The following DNAJC15 variants were observed in gnomAD, a reference collection of about 807,000 sequenced individuals.
The protein encoded by DNAJC15 is dnaJ homolog subfamily C member 15.
Under a neutral mutation model 22.4 loss-of-function variants are expected in DNAJC15, and 27 were observed. The observed-to-expected ratio is 1.20, with a 90% CI of 0.89 to 1.66. The LOEUF (loss-of-function observed/expected upper bound fraction) is 1.66, where lower values mean the gene tolerates loss of function less well. DNAJC15 is among the 40% of genes most tolerant of loss of function. The probability of loss-of-function intolerance (pLI) is 0.00; values close to 1 mark genes in which losing one functional copy is unlikely to be tolerated. For missense variants in DNAJC15, 208 were observed against 187.1 expected, an observed-to-expected ratio of 1.11 and a Z score of -0.65; for synonymous variants, 79 against 63.2, an observed-to-expected ratio of 1.25 and a Z score of -1.19.
intron 4 of DNAJC15, among the ~76,000 whole-genome samples, chr13:43,084,904 T>C (rs551651205): frequency 9.8e-5 from 15 of 152,334 alleles, no homozygotes; most frequent in African/African-American, 3.6e-4. Context: ...ATAACTATAA[T>C]GAAGCACTTG....
At chr13:43,092,230 C>G (rs983269533) in intron 5 of DNAJC15, among the ~76,000 whole-genome samples, 1 of 152,122 alleles carries the variant, frequency 6.6e-6, no homozygotes, top group Non-Finnish European at 1.5e-5. Flanking sequence ...AAATATCTCT[C>G]ATGATTTATA....
intron 4 of DNAJC15, among the ~76,000 whole-genome samples, chr13:43,079,123 T>C (rs1046972886): frequency 4.6e-5 from 7 of 152,202 alleles, no homozygotes; most frequent in African/African-American, 1.7e-4. Flanking sequence ...TATCCTTTTA[T>C]TGTCTAACTT....
intron 1 of DNAJC15, among the ~76,000 whole-genome samples, chr13:43,054,209 A>T (rs779642204): frequency 1.3e-5 from 2 of 151,978 alleles, no homozygotes; most frequent in Non-Finnish European, 2.9e-5. Flanking sequence ...ACATTTATTC[A>T]CTTGTGTGTG....
intron 5 of DNAJC15, among the ~76,000 whole-genome samples, chr13:43,096,963 C>T (rs185808302): frequency 3.7e-4 from 57 of 152,280 alleles, no homozygotes; most frequent in African/African-American, 1.3e-3. Flanking sequence ...TGAGGCCATC[C>T]TGGACTACCC....
intron 1 of DNAJC15, among the ~76,000 whole-genome samples, chr13:43,032,061 C>T (rs1266071791): frequency 6.6e-6 from 1 of 152,182 alleles, no homozygotes; most frequent in Non-Finnish European, 1.5e-5. Flanking sequence ...AACCACTCTA[C>T]ATTAATTGGA....
intron 3 of DNAJC15, among the ~76,000 whole-genome samples, chr13:43,073,678 A>G (rs1296131774): frequency 1.3e-5 from 2 of 152,038 alleles, no homozygotes; most frequent in Non-Finnish European, 2.9e-5. Flanking sequence ...TGTACATGCA[A>G]ATTTTACCTA....
At chr13:43,048,325 C>CAAAA (rs766125510) in intron 1 of DNAJC15, among the ~76,000 whole-genome samples, 27,216 of 129,872 alleles carry the variant, frequency 0.21, 3,098 homozygotes, top group Non-Finnish European at 0.29. Flanking sequence ...ACTAAAAATA[C>CAAAA]AAAAAAAAAA....
chr13:43,102,865 A>C (rs1169519772), intron 5 of DNAJC15, among the ~76,000 whole-genome samples: 8 of 151,986 alleles, frequency 5.3e-5, no homozygotes, highest in Non-Finnish European at 1.0e-4. Flanking sequence ...AAAGAGTTTA[A>C]AGTGTTTTCT....
intron 5 of DNAJC15, among the ~76,000 whole-genome samples, chr13:43,102,946 T>C (rs2040777156): frequency 6.6e-6 from 1 of 152,170 alleles, no homozygotes; most frequent in South Asian, 2.1e-4. Context: ...AGGTTTTTAA[T>C]TACATATTTA....
intron 1 of DNAJC15, among the ~76,000 whole-genome samples, chr13:43,051,505 T>C (rs1279882807): frequency 6.6e-6 from 1 of 152,208 alleles, no homozygotes; most frequent in African/African-American, 2.4e-5. Flanking sequence ...CTCCTAGTTA[T>C]AAATGAGAAC....
At chr13:43,053,966 G>A (rs537507455) in intron 1 of DNAJC15, among the ~76,000 whole-genome samples, 8 of 152,338 alleles carry the variant, frequency 5.3e-5, no homozygotes, top group Admixed American at 1.3e-4. Flanking sequence ...TAGAAGTGGT[G>A]TAAGTGGGCA....
At chr13:43,063,714 G>C (rs1234577692) in intron 1 of DNAJC15, among the ~76,000 whole-genome samples, 4 of 152,128 alleles carry the variant, frequency 2.6e-5, no homozygotes, top group Non-Finnish European at 4.4e-5. Context: ...TGTGCTATTA[G>C]CTATGTGTTG....
At chr13:43,029,722 C>T (rs914550684) in intron 1 of DNAJC15, among the ~76,000 whole-genome samples, 3 of 151,920 alleles carry the variant, frequency 2.0e-5, no homozygotes, top group Admixed American at 1.3e-4. Flanking sequence ...CCTGACATGG[C>T]CCATTTGTTG....
intron 1 of DNAJC15, 46 bp downstream of exon 1, chr13:43,023,780 T>C: frequency 6.5e-7 from 1 of 1,533,168 alleles, no homozygotes; most frequent in Middle Eastern, 1.7e-4. Flanking sequence ...TCCCTTGTAG[T>C]TTCTGCTTCA....
chr13:43,065,297 C>A (rs1269770449), intron 1 of DNAJC15, among the ~76,000 whole-genome samples: 4 of 152,102 alleles, frequency 2.6e-5, no homozygotes, highest in African/African-American at 9.7e-5. Flanking sequence ...TTAAGTATAG[C>A]AAATGCTGTT....
chr13:43,093,281 C>T (rs781392954), intron 5 of DNAJC15, among the ~76,000 whole-genome samples: 6 of 152,054 alleles, frequency 3.9e-5, no homozygotes, highest in Non-Finnish European at 7.4e-5. Flanking sequence ...GAATGCCATA[C>T]ATTTTGTATG....
chr13:43,064,093 T>C (rs2040571934), intron 1 of DNAJC15, among the ~76,000 whole-genome samples: 1 of 152,170 alleles, frequency 6.6e-6, no homozygotes, highest in African/African-American at 2.4e-5. Flanking sequence ...TGCCAGGGAA[T>C]GAATCTTCTT....
At chr13:43,098,065 AG>A (rs2040749763) in intron 5 of DNAJC15, among the ~76,000 whole-genome samples, 1 of 93,222 alleles carries the variant, frequency 1.1e-5, no homozygotes, top group Non-Finnish European at 2.3e-5. Flanking sequence ...TTAGAGAAAA[AG>A]AAAATTTGCT....
At chr13:43,084,350 A>G (rs1275200330) in intron 4 of DNAJC15, among the ~76,000 whole-genome samples, 1 of 152,220 alleles carries the variant, frequency 6.6e-6, no homozygotes, top group Non-Finnish European at 1.5e-5. Flanking sequence ...TTTTCTTTAA[A>G]ATAAACCTGG....
Sources: allele counts gnomAD v4.1 joint callset (sites outside exome capture counted in the v4.1 genomes callset), GRCh38; gene constraint gnomAD v4.1.1; transcripts MANE v1.5; gene names NCBI Gene and HGNC (gene_info 2026-07-23, HGNC 2026-07-21).